Variants in FASTKD5 observed in about 807,000 individuals in gnomAD.
FASTKD5 encodes FAST kinase domains 5, also known as non-canonical pre-mRNAs endonuclease FASTKD5, mitochondrial.
A neutral mutation model predicts 44.0 loss-of-function variants in FASTKD5; 30 were observed. The observed-to-expected ratio is 0.68, with a 90% CI of 0.51 to 0.93. The LOEUF (loss-of-function observed/expected upper bound fraction) is 0.93, where lower values mean the gene tolerates loss of function less well. Among genes scored for constraint, FASTKD5 ranks in the 40% least tolerant of loss-of-function variants. The pLI, the probability that FASTKD5 is intolerant of heterozygous loss-of-function variation, is 0.00. For synonymous variants in FASTKD5, 335 were observed against 342.2 expected (o/e 0.98, Z 0.23); for missense variants, 868 against 908.2 (o/e 0.96, Z 0.57).
intron 1 of FASTKD5, chr20:3,150,624 A>G (rs1360767982): frequency 1.3e-5 from 2 of 152,192 alleles, no homozygotes; most frequent in Admixed American, 6.5e-5. Flanking sequence ...AAACTCCATA[A>G]AAGTTCCAAG....
chr20:3,159,184 G>A (rs1201618421), intron 1 of FASTKD5, among the ~76,000 whole-genome samples: 2 of 152,182 alleles, frequency 1.3e-5, no homozygotes, highest in Non-Finnish European at 2.9e-5. Context: ...ACTACCCTTA[G>A]GCTTGTGCAA....
Position 3,148,138 on chromosome 20 carries a change from A to G in FASTKD5, c.933T>C (p.Asp311=). ...TACCAACCTCCTCCAAATTGATCAA[A>G]TCTATATATTTAAGGATCAATGATT... ...KLESLILKYI[D]LINLEEVGTI... Residue 311 remains aspartate, a synonymous_variant, in exon 2 of 2, where the codon GAT becomes GAC. Transcript: ENST00000380266. The G allele has an allele frequency of 6.2e-7, 1 of 1,613,846 alleles. No individual in the cohort carries two copies. Among genetic ancestry groups the G allele is most frequent in the Non-Finnish European group, 8.5e-7 (1 of 1,179,978 alleles).
chr20:3,158,393 T>C (rs1243730674), intron 1 of FASTKD5, among the ~76,000 whole-genome samples: 2 of 152,244 alleles, frequency 1.3e-5, no homozygotes, highest in Admixed American at 1.3e-4. Flanking sequence ...ACATTAGACC[T>C]GCATAACTGC....
At chr20:3,151,558 C>T (rs892615242) in intron 1 of FASTKD5, among the ~76,000 whole-genome samples, 13 of 151,820 alleles carry the variant, frequency 8.6e-5, no homozygotes, top group African/African-American at 3.1e-4. Flanking sequence ...GAAGCTGAGG[C>T]AGAAGGATTG....
At chr20:3,158,004 C>T (rs1458668529) in intron 1 of FASTKD5, among the ~76,000 whole-genome samples, 1 of 152,144 alleles carries the variant, frequency 6.6e-6, no homozygotes, top group Admixed American at 6.5e-5. Context: ...CACCTCTCAC[C>T]CCGGCAACCT....
intron 1 of FASTKD5, among the ~76,000 whole-genome samples, chr20:3,155,052 C>CAAAAAAAA (rs11326176): frequency 3.1e-5 from 3 of 96,094 alleles, no homozygotes; most frequent in African/African-American, 9.2e-5. Context: ...GACACAGTCT[C>CAAAAAAAA]AAAAAAAAAA....
At chr20:3,151,668 T>C (rs1312205156) in intron 1 of FASTKD5, 1 of 151,664 alleles carries the variant, frequency 6.6e-6, no homozygotes, top group Non-Finnish European at 1.5e-5. Context: ...AAAATTTTAA[T>C]TAAAATTGGA....
intron 1 of FASTKD5, among the ~76,000 whole-genome samples, chr20:3,158,504 CGCTCTCTCGCCCAGGCTGGAGTGCAG>C (rs550018573): frequency 4.6e-4 from 70 of 152,268 alleles, no homozygotes; most frequent in African/African-American, 1.7e-3. Flanking sequence ...GACGGACTCT[CGCTCTCTCGCCCAGGCTGGAGTGCAG>C]TGGCGCGATC....
Position 3,147,218 on chromosome 20 carries a change from A to C in FASTKD5, c.1853T>G (p.Leu618Arg). Reference protein sequence around the residue: ...TPAENVAKLRLEHVGVSLTDD... With the variant: ...TPAENVAKLRREHVGVSLTDD... ...TGTAAGGCTGACTCCCACATGCTCA[A>C]GCCTTAATTTGGCTACATTTTCAGC... The change falls in exon 2 of 2, where the codon CTT becomes CGT. Residue 618 changes from leucine to arginine, a missense_variant. Coordinates refer to ENST00000380266, the MANE Select transcript of FASTKD5 (RefSeq NM_021826.5). 3 of 1,614,216 alleles carry C rather than the reference A, an allele frequency of 1.9e-6. No homozygotes were observed. The highest frequency in any genetic ancestry group is 2.5e-6 in the Non-Finnish European group (3 of 1,180,048).
rs937941319 is a variant in FASTKD5 at position 3,147,118 on chromosome 20, C to T, written c.1953G>A (p.Gly651=). 17 of 1,613,724 alleles carry T rather than the reference C, an allele frequency of 1.1e-5. No individual in the cohort carries two copies. In the African/African-American group the frequency reaches 2.3e-4, roughly 22 times the overall value. ...HFQGKTESEP[G]QQPMELENKA... is the part of the protein sequence containing the mutation. The stretch of plus-strand genomic sequence containing the variant: ...TATTCTCCAACTCCATGGGCTGCTG[C>T]CCAGGCTCTGACTCAGTTTTGCCCT... Residue 651 remains glycine (G), a synonymous_variant, in exon 2 of 2, where the codon GGG becomes GGA. Transcript: ENST00000380266.
At chr20:3,157,647 G>A (rs758252749) in intron 1 of FASTKD5, among the ~76,000 whole-genome samples, 6 of 152,156 alleles carry the variant, frequency 3.9e-5, no homozygotes, top group African/African-American at 7.2e-5. Context: ...TATAACAACA[G>A]GCAGTAGGCA....
intron 1 of FASTKD5, among the ~76,000 whole-genome samples, chr20:3,154,033 G>T (rs542158293): frequency 1.3e-5 from 2 of 152,296 alleles, no homozygotes; most frequent in East Asian, 3.9e-4. Flanking sequence ...AAATCTACAT[G>T]AGGCAAAGAG....
chr20:3,158,753 C>A (rs1223357345), intron 1 of FASTKD5, among the ~76,000 whole-genome samples: 1 of 152,220 alleles, frequency 6.6e-6, no homozygotes, highest in African/African-American at 2.4e-5. Flanking sequence ...GGATTACAGG[C>A]GTGAGCCACT....
At chr20:3,156,153 C>G (rs189918730) in intron 1 of FASTKD5, among the ~76,000 whole-genome samples, 10 of 150,694 alleles carry the variant, frequency 6.6e-5, no homozygotes, top group Non-Finnish European at 1.5e-4. Flanking sequence ...ATGAGATGCT[C>G]AGTCAATTAA....
chr20:3,148,165 C>T lies in FASTKD5; in HGVS notation c.906G>A (p.Leu302=). 1 of 1,613,722 alleles carries T rather than the reference C, an allele frequency of 6.2e-7. No individual in the cohort carries two copies. The highest frequency in any genetic ancestry group is 2.2e-5 in the East Asian group (1 of 44,882). The part of the protein sequence containing the change: ...RQVSQDLMQK[L]ESLILKYIDL... ...CTATATATTTAAGGATCAATGATTC[C>T]AATTTTTGCATTAGGTCCTGGGATA... The change falls in exon 2 of 2, where the codon TTG becomes TTA. Residue 302 remains leucine (L), a synonymous_variant. Transcript: ENST00000380266.
rs760333265 is a variant in FASTKD5 at position 3,147,952 on chromosome 20, G to C, written c.1119C>G (p.Phe373Leu). ...FRFTHVDHIN[F>L]MKQIGEIAPQ... The stretch of plus-strand genomic sequence containing the variant: ...GAGCTATCTCTCCAATCTGCTTCAT[G>C]AAATTGATGTGATCCACGTGAGTGA... Residue 373 changes from phenylalanine to leucine, a missense_variant, in exon 2 of 2, where the codon TTC (phenylalanine) becomes TTG (leucine). Transcript: ENST00000380266. 1 of 1,614,244 alleles carries C rather than the reference G, an allele frequency of 6.2e-7. No individual in the cohort carries two copies. Among genetic ancestry groups the C allele is most frequent in the Non-Finnish European group, 8.5e-7 (1 of 1,180,044 alleles).
Position 3,148,857 on chromosome 20 carries a change from TG to T in FASTKD5, c.213del (p.Ser72AlafsTer35), listed in dbSNP as rs754400346. On this transcript the variant is annotated frameshift_variant, in exon 2 of 2. Transcript: ENST00000380266. LOFTEE classifies it high-confidence loss of function. ...AATTCCAAACCTGGGTGGGCACTGC[TG>T]GTTGTCAGGATTCTCCGAGAAGAGA... ...STFSSRRILTTSSAHPGLEFS... is the reference protein window; with the variant it reads ...STFSSRRILTXSSAHPGLEFS... 2 of 1,614,218 alleles carry T rather than the reference TG, an allele frequency of 1.2e-6. No homozygotes were observed. The highest frequency in any genetic ancestry group is 2.7e-5 in the African/African-American group (2 of 75,068).
Position 3,148,447 on chromosome 20 carries a change from A to AT in FASTKD5, c.623dup (p.Asn208LysfsTer22). The AT allele has an allele frequency of 6.2e-7, 1 of 1,614,156 alleles. No individual in the cohort carries two copies. The highest frequency in any genetic ancestry group is 8.5e-7 in the Non-Finnish European group (1 of 1,180,026). ...CTAAAATGACAAAAGCTTTCAAAAC[A>AT]TTGATCAGATCTTGGGTATCAAAGA... On this transcript the variant is annotated frameshift_variant, in exon 2 of 2. Coordinates refer to ENST00000380266, the MANE Select transcript of FASTKD5 (RefSeq NM_021826.5). LOFTEE classifies it high-confidence loss of function.
chr20:3,149,196 G>C lies in FASTKD5; in HGVS notation c.-126C>G. ...GGAGGTGTTCCACAAAAACTGCCTG[G>C]AAATCTTCAGCATATCACAAGAGCC... On this transcript the variant is annotated 5_prime_UTR_variant, in exon 2 of 2. Transcript: ENST00000380266. This position sits in a 1 kb window ranked among gnomAD's most constrained non-coding sequence, Gnocchi z 4.1. 1.0e-6 allele frequency: 1 copy of C among 995,566 alleles called. No homozygotes were observed. Among genetic ancestry groups the C allele is most frequent in the Non-Finnish European group, 1.5e-6 (1 of 683,984 alleles). 61.7% of individuals were successfully genotyped at this position (995,566 alleles called of 1,614,324 possible).
Sources: allele counts gnomAD v4.1 joint callset (sites outside exome capture counted in the v4.1 genomes callset), GRCh38; gene constraint gnomAD v4.1.1; non-coding constraint Gnocchi (gnomAD v3.1); transcripts MANE v1.5; gene names NCBI Gene and HGNC (gene_info 2026-07-23, HGNC 2026-07-21).